Variants in ATG7 observed in about 807,000 individuals in gnomAD.
The protein encoded by ATG7 is ubiquitin-like modifier-activating enzyme ATG7.
ATG7 carries 70 observed loss-of-function variants against 82.4 expected under a neutral mutation model. The observed-to-expected ratio is 0.85, with a 90% CI of 0.70 to 1.04. ATG7 has a LOEUF of 1.04. Among genes scored for constraint, ATG7 ranks in the 50% least tolerant of loss-of-function variants. The pLI, the probability that ATG7 is intolerant of heterozygous loss-of-function variation, is 0.00. For missense variants in ATG7, 792 were observed against 864.3 expected, an observed-to-expected ratio of 0.92 and a Z score of 1.05; for synonymous variants, 287 against 313.0, an observed-to-expected ratio of 0.92 and a Z score of 0.88.
chr3:11,281,101 A>G lies in ATG7; in HGVS notation c.-258A>G, dbSNP rs549928120. ...TGCGTCTATGATTCTTCCCTGATCAAGGTAGGAATGCAGTTACTCTGTCAT... is the reference window on the plus strand; with the variant it reads ...TGCGTCTATGATTCTTCCCTGATCAGGGTAGGAATGCAGTTACTCTGTCAT... On this transcript the variant is annotated splice_region_variant and 5_prime_UTR_variant, in exon 2 of 21. Coordinates refer to ENST00000693202, the MANE Select transcript of ATG7 (RefSeq NM_001349232.2). 1 of 152,202 alleles carries G rather than the reference A, an allele frequency of 6.6e-6. No individual in the cohort carries two copies. The highest frequency in any genetic ancestry group is 1.5e-5 in the Non-Finnish European group (1 of 68,046). The allele number at this position is 152,202 out of a possible 1,614,324, so 9.4% of individuals were successfully genotyped here. A position where few individuals can be genotyped will look rare whatever the true frequency, so the allele number is the denominator to read the frequency against.
At chr3:11,391,376 C>T (rs955342544) in intron 19 of ATG7, among the ~76,000 whole-genome samples, 13 of 152,146 alleles carry the variant, frequency 8.5e-5, no homozygotes, top group Non-Finnish European at 1.3e-4. Context: ...GATGAATTCT[C>T]ATTTCCTGGA....
At chr3:11,507,956 AAAAAAAC>A (rs927135237) in intron 20 of ATG7, among the ~76,000 whole-genome samples, 10 of 151,904 alleles carry the variant, frequency 6.6e-5, no homozygotes, top group African/African-American at 1.5e-4. Flanking sequence ...GGTAATTAAA[AAAAAAAC>A]AAAAAAACAA....
chr3:11,546,569 A>T (rs2071310030), intron 20 of ATG7, among the ~76,000 whole-genome samples: 1 of 152,234 alleles, frequency 6.6e-6, no homozygotes, highest in South Asian at 2.1e-4. Flanking sequence ...TTTATAAAAG[A>T]AGAACCTTAG....
chr3:11,342,417 C>G (rs913788669), intron 13 of ATG7, 138 bp downstream of exon 13: 2 of 1,175,488 alleles, frequency 1.7e-6, no homozygotes, highest in African/African-American at 3.1e-5. Context: ...CTTTTCTTAT[C>G]TTTTTAAGTG....
chr3:11,428,370 C>T (rs1322638958), intron 20 of ATG7, among the ~76,000 whole-genome samples: 1 of 138,890 alleles, frequency 7.2e-6, no homozygotes, highest in Non-Finnish European at 1.5e-5. Flanking sequence ...CAAAGTCAGA[C>T]CCATTGGAGG....
At chr3:11,412,968 TA>T (rs1385069021) in intron 19 of ATG7, among the ~76,000 whole-genome samples, 3 of 152,156 alleles carry the variant, frequency 2.0e-5, no homozygotes, top group Admixed American at 6.5e-5. Flanking sequence ...TAAATAAACT[TA>T]TAGTTTCTTT....
At chr3:11,353,693 G>A (rs2152801040) in intron 14 of ATG7, among the ~76,000 whole-genome samples, 1 of 152,176 alleles carries the variant, frequency 6.6e-6, no homozygotes, top group East Asian at 1.9e-4. Flanking sequence ...GAAAGAGCCT[G>A]GCATCTCTCT....
At chr3:11,438,590 A>ATT (rs5846710) in intron 20 of ATG7, among the ~76,000 whole-genome samples, 19 of 151,622 alleles carry the variant, frequency 1.3e-4, no homozygotes, top group African/African-American at 3.2e-4. Flanking sequence ...AAAAATAAAG[A>ATT]TTTTTTTTCT....
At chr3:11,282,973 C>A (rs965819330) in intron 3 of ATG7, among the ~76,000 whole-genome samples, 7 of 152,118 alleles carry the variant, frequency 4.6e-5, no homozygotes, top group Non-Finnish European at 1.0e-4. Context: ...AGCTTGCAGC[C>A]CTGCAGCTGG....
chr3:11,413,863 T>C (rs532804213), intron 19 of ATG7, among the ~76,000 whole-genome samples: 1 of 152,208 alleles, frequency 6.6e-6, no homozygotes, highest in Admixed American at 6.5e-5. Flanking sequence ...GCAGGGCTTT[T>C]GTTTGCCAGG....
At chr3:11,448,818 C>G (rs1478526458) in intron 20 of ATG7, among the ~76,000 whole-genome samples, 1 of 152,142 alleles carries the variant, frequency 6.6e-6, no homozygotes, top group Non-Finnish European at 1.5e-5. Flanking sequence ...ATGAATGGAG[C>G]CTCCTAGTGT....
rs1011680331 is a variant in ATG7 at position 11,371,460 on chromosome 3, A to G, written c.1875+6726A>G. 3.3e-5 allele frequency among the ~76,000 whole-genome samples: 5 copies of G among 150,954 alleles called. 1 individual carries two copies. Among genetic ancestry groups the G allele is most frequent in the African/African-American group, 1.2e-4 (5 of 40,862 alleles). Reference sequence around the variant, plus strand: ...AGGCCGTTGAACGCTGAGGTGTGATATGAGTAGATTTGGTTGCTGCATGGA... The same window carrying G: ...AGGCCGTTGAACGCTGAGGTGTGATGTGAGTAGATTTGGTTGCTGCATGGA... On this transcript the variant is annotated intron_variant, in intron 18 of 20. Transcript: ENST00000693202.
chr3:11,475,556 CT>C (rs2088062155), intron 20 of ATG7, among the ~76,000 whole-genome samples: 1 of 152,152 alleles, frequency 6.6e-6, no homozygotes, highest in Non-Finnish European at 1.5e-5. Context: ...GGGAAAAGGG[CT>C]GCGGGGGAGG....
intron 20 of ATG7, among the ~76,000 whole-genome samples, chr3:11,544,030 G>A (rs1401914437): frequency 6.6e-6 from 1 of 152,222 alleles, no homozygotes; most frequent in African/African-American, 2.4e-5. Flanking sequence ...TGTGCAGTCT[G>A]CCTGCTCCCT....
chr3:11,285,041 G>C (rs866254922), intron 3 of ATG7, among the ~76,000 whole-genome samples: 2 of 150,602 alleles, frequency 1.3e-5, no homozygotes, highest in South Asian at 2.1e-4. Flanking sequence ...CAGTAGAGAC[G>C]GGGTTTCACC....
chr3:11,438,443 G>A lies in ATG7; in HGVS notation c.2079+11517G>A, dbSNP rs147961714. 3.2e-3 allele frequency among the ~76,000 whole-genome samples: 483 copies of A among 152,322 alleles called. 1 individual carries two copies. The highest frequency in any genetic ancestry group is 6.8e-3 in the Middle Eastern group (2 of 294). ...TAGCCAGGCGTGGTGGCTTGTACCT[G>A]TAGTCCTAGCTACTTGGGAGGCTGA... On this transcript the variant is annotated intron_variant, in intron 20 of 20. Coordinates refer to ENST00000693202, the MANE Select transcript of ATG7 (RefSeq NM_001349232.2).
intron 18 of ATG7, among the ~76,000 whole-genome samples, chr3:11,367,858 T>C (rs1397039021): frequency 6.6e-5 from 10 of 151,350 alleles, no homozygotes; most frequent in Admixed American, 6.6e-4. Context: ...ATAAAAAGAA[T>C]GATTAAAAAA....
intron 19 of ATG7, among the ~76,000 whole-genome samples, chr3:11,406,694 G>GGA (rs1430563460): frequency 6.6e-6 from 1 of 152,176 alleles, no homozygotes; most frequent in African/African-American, 2.4e-5. Flanking sequence ...TGGAAGGTAA[G>GGA]GAGGAGCAAG....
intron 19 of ATG7, among the ~76,000 whole-genome samples, chr3:11,398,334 A>G (rs1170639786): frequency 6.6e-6 from 1 of 152,204 alleles, no homozygotes; most frequent in Non-Finnish European, 1.5e-5. Flanking sequence ...GGATAATTAA[A>G]CAAGTTTCAA....
Sources: allele counts gnomAD v4.1 joint callset (sites outside exome capture counted in the v4.1 genomes callset), GRCh38; gene constraint gnomAD v4.1.1; transcripts MANE v1.5; gene names NCBI Gene and HGNC (gene_info 2026-07-23, HGNC 2026-07-21).